Variants in ITPR1 observed in about 807,000 individuals in gnomAD.
ITPR1 encodes inositol 1,4,5-trisphosphate-gated calcium channel ITPR1.
Under a neutral mutation model 318.4 loss-of-function variants are expected in ITPR1, and 96 were observed. That is an observed-to-expected ratio of 0.30 (90% confidence interval 0.26 to 0.36). The LOEUF is 0.36. ITPR1 is among the 10% of genes least tolerant of loss of function. ITPR1 has a pLI of 1.00. For missense variants in ITPR1, 2,440 were observed against 3,460.2 expected (o/e 0.71, Z 7.40); for synonymous variants, 1,312 against 1,289.9 (o/e 1.02, Z -0.37).
chr3:4,649,122 G>A lies in ITPR1; in HGVS notation c.856-3001G>A, dbSNP rs28689977. 3.5e-3 allele frequency among the ~76,000 whole-genome samples: 532 copies of A among 152,262 alleles called. 3 individuals are homozygous for A. Among genetic ancestry groups the A allele is most frequent in the African/African-American group, 0.012 (504 of 41,546 alleles). ...AATGGAGACTTTCTCATCTTTCAGA[G>A]TTAGTTTAAAGTAATAATGCAAACT... On this transcript the variant is annotated intron_variant, in intron 10 of 61. Coordinates refer to ENST00000649015, the MANE Select transcript of ITPR1 (RefSeq NM_001378452.1).
intron 44 of ITPR1, chr3:4,750,511 G>T (rs1575116852): frequency 1.3e-5 from 2 of 152,152 alleles, no homozygotes; most frequent in East Asian, 3.8e-4. Flanking sequence ...TCTGCAGGCA[G>T]ACAAGAGTCG....
chr3:4,785,505 G>C (rs2047132961), intron 51 of ITPR1, among the ~76,000 whole-genome samples: 2 of 152,176 alleles, frequency 1.3e-5, no homozygotes, highest in South Asian at 4.1e-4. Flanking sequence ...TCAGGTCTCT[G>C]GGCTATCCTA....
At chr3:4,626,158 A>T (rs1055030104) in intron 4 of ITPR1, among the ~76,000 whole-genome samples, 1 of 151,826 alleles carries the variant, frequency 6.6e-6, no homozygotes, top group African/African-American at 2.4e-5. Context: ...TTTAAAAAAA[A>T]AATTGGTGGC....
rs140705375 is a variant in ITPR1, at chr3:4,587,093, G to A, written c.164-40670G>A. Among the ~76,000 whole-genome samples, 139 of 152,158 alleles carry A rather than the reference G, an allele frequency of 9.1e-4. 1 individual carries two copies. Among genetic ancestry groups the A allele is most frequent in the African/African-American group, 3.2e-3 (132 of 41,494 alleles). On this transcript the variant is annotated intron_variant, in intron 4 of 61. Coordinates refer to ENST00000649015, the MANE Select transcript of ITPR1 (RefSeq NM_001378452.1). The stretch of plus-strand genomic sequence containing the variant: ...TTTTTTACATTTCCCTGGAGATTTC[G>A]ACGACCGGCTTGCTTTGCATTAAGG...
intron 4 of ITPR1, among the ~76,000 whole-genome samples, chr3:4,550,752 C>T (rs2085483751): frequency 6.6e-6 from 1 of 151,996 alleles, no homozygotes; most frequent in Non-Finnish European, 1.5e-5. Context: ...TAGTGGTACA[C>T]ACATGTAGTC....
intron 12 of ITPR1, among the ~76,000 whole-genome samples, chr3:4,655,000 T>G (rs1035573189): frequency 5.9e-5 from 9 of 152,184 alleles, no homozygotes; most frequent in Non-Finnish European, 1.3e-4. Context: ...GAGTCCATTT[T>G]GAAAGCTTTG....
intron 4 of ITPR1, among the ~76,000 whole-genome samples, chr3:4,534,521 G>A (rs1225814240): frequency 6.6e-6 from 1 of 152,148 alleles, no homozygotes. Flanking sequence ...GAACCCACGT[G>A]TTTTCCTTTC....
At chr3:4,580,912 C>T (rs925759401) in intron 4 of ITPR1, among the ~76,000 whole-genome samples, 4 of 152,066 alleles carry the variant, frequency 2.6e-5, no homozygotes, top group Non-Finnish European at 5.9e-5. Context: ...GTTTCCATCT[C>T]GGAGCAGCCA....
intron 4 of ITPR1, among the ~76,000 whole-genome samples, chr3:4,561,030 T>C (rs945335045): frequency 2.6e-5 from 4 of 152,218 alleles, no homozygotes; most frequent in Admixed American, 1.3e-4. Flanking sequence ...TTGATTCTGC[T>C]GGAGATGTCC....
intron 21 of ITPR1, 46 bp downstream of exon 21, chr3:4,673,433 C>A: frequency 1.3e-6 from 2 of 1,537,074 alleles, no homozygotes; most frequent in Non-Finnish European, 1.8e-6. Flanking sequence ...TTCTGTGCGG[C>A]AGTAGATAGC....
intron 60 of ITPR1, among the ~76,000 whole-genome samples, chr3:4,822,807 C>T (rs1546228): frequency 0.66 from 99,815 of 151,948 alleles, 33,326 homozygotes; most frequent in African/African-American, 0.76. Flanking sequence ...CTCATATTCA[C>T]TGACTTGGGC....
intron 44 of ITPR1, among the ~76,000 whole-genome samples, chr3:4,748,146 G>A (rs1355091444): frequency 2.6e-5 from 4 of 152,200 alleles, no homozygotes; most frequent in Non-Finnish European, 4.4e-5. Flanking sequence ...AAAGCCATGT[G>A]TCTTACCCAA....
chr3:4,798,528 T>C (rs1244568281), intron 53 of ITPR1, among the ~76,000 whole-genome samples: 1 of 152,240 alleles, frequency 6.6e-6, no homozygotes. Flanking sequence ...ACATTCACCT[T>C]GGAAAACAGT....
At chr3:4,635,967 T>A (rs959528973) in intron 5 of ITPR1, among the ~76,000 whole-genome samples, 1 of 152,010 alleles carries the variant, frequency 6.6e-6, no homozygotes, top group Non-Finnish European at 1.5e-5. Context: ...TTCAAGTGAT[T>A]CTCCTGCCTC....
At chr3:4,673,834 G>A (rs879279661) in intron 21 of ITPR1, among the ~76,000 whole-genome samples, 2 of 152,088 alleles carry the variant, frequency 1.3e-5, no homozygotes, top group Non-Finnish European at 2.9e-5. Flanking sequence ...CGTCCACCTC[G>A]GCCTCCCAAA....
intron 2 of ITPR1, among the ~76,000 whole-genome samples, chr3:4,495,094 G>A (rs1316364054): frequency 1.3e-5 from 2 of 152,194 alleles, no homozygotes; most frequent in Non-Finnish European, 1.5e-5. Context: ...TTTGGGGCCC[G>A]TGGTGGAATA....
chr3:4,825,314 G>A (rs1304749800), intron 60 of ITPR1, among the ~76,000 whole-genome samples: 2 of 152,196 alleles, frequency 1.3e-5, no homozygotes, highest in Non-Finnish European at 2.9e-5. Flanking sequence ...CAATTTTCCA[G>A]ATCAAAAGTA....
intron 4 of ITPR1, among the ~76,000 whole-genome samples, chr3:4,582,130 C>CA (rs2125052897): frequency 6.6e-6 from 1 of 152,142 alleles, no homozygotes; most frequent in African/African-American, 2.4e-5. Context: ...GTGTTGTTAC[C>CA]AAGAAGTGCA....
intron 24 of ITPR1, among the ~76,000 whole-genome samples, chr3:4,680,282 G>A (rs1189512074): frequency 6.6e-6 from 1 of 152,188 alleles, no homozygotes; most frequent in South Asian, 2.1e-4. Context: ...AGCCAGGAGT[G>A]AGTGATTTAG....
Sources: gnomAD v4.1 joint callset for allele counts (sites outside exome capture counted in the v4.1 genomes callset) on GRCh38, gnomAD v4.1.1 for gene constraint, MANE v1.5 for transcripts, NCBI Gene and HGNC (gene_info 2026-07-23, HGNC 2026-07-21) for gene names.